UNK: variants seen among roughly 807,000 people sequenced by gnomAD.
The protein encoded by UNK is RING finger protein unkempt homolog.
In UNK, 32 loss-of-function variants were observed where a neutral mutation model predicts 97.6. The observed-to-expected ratio is 0.33, with a 90% CI of 0.25 to 0.44. The LOEUF is 0.44. UNK is among the 20% of genes least tolerant of loss of function. UNK has a pLI of 1.00. For synonymous variants in UNK, 441 were observed against 461.2 expected, an observed-to-expected ratio of 0.96 and a Z score of 0.56; for missense variants, 771 against 1,098.4, an observed-to-expected ratio of 0.70 and a Z score of 4.21.
At chr17:75,796,468 A>G (rs1302556360) in intron 1 of UNK, among the ~76,000 whole-genome samples, 1 of 151,984 alleles carries the variant, frequency 6.6e-6, no homozygotes, top group Non-Finnish European at 1.5e-5. Context: ...GCAGGTGTTT[A>G]CCACCATACC....
rs1167447908 is a variant in UNK, at chr17:75,809,885, G to A, written c.230G>A (p.Arg77His). ...CAGCGGCGCCGCCGGTCCATCCGCC[G>A]TCGGGACGGCACCTTCAATTACAGC... ...VNQRRRRSIRRRDGTFNYSPD... is the reference protein window; with the variant it reads ...VNQRRRRSIRHRDGTFNYSPD... Residue 77 changes from arginine to histidine, a missense_variant, in exon 2 of 16, where the codon CGT becomes CAT. By Grantham distance (29) the Arg-to-His change is conservative (BLOSUM62 0). Coordinates refer to ENST00000589666, the MANE Select transcript of UNK (RefSeq NM_001080419.3). The A allele has an allele frequency of 2.5e-6, 4 of 1,613,778 alleles. No individual in the cohort carries two copies. The highest frequency in any genetic ancestry group is 1.7e-5 in the Admixed American group (1 of 60,006).
chr17:75,795,370 C>T (rs551000777), intron 1 of UNK, among the ~76,000 whole-genome samples: 2 of 151,964 alleles, frequency 1.3e-5, no homozygotes, highest in African/African-American at 2.4e-5. Flanking sequence ...GACAGGGTCT[C>T]GCTCTGTTGT....
rs2062030719 is a variant in UNK, at chr17:75,817,818, ACAGGGCCTGGGGAAG to A, written c.1306-280_1306-266del. On this transcript the variant is annotated intron_variant, in intron 9 of 15. Coordinates refer to ENST00000589666, the MANE Select transcript of UNK (RefSeq NM_001080419.3). This position sits in a 1 kb window ranked among gnomAD's most constrained non-coding sequence, Gnocchi z 5.8. Reference sequence around the variant, plus strand: ...TGCCCTGAACTGCCTTCATGGAAAGACAGGGCCTGGGGAAGCAGGACACAGGGGTCCCTAACTGGG... The same window carrying A: ...TGCCCTGAACTGCCTTCATGGAAAGACAGGACACAGGGGTCCCTAACTGGG... Among the ~76,000 whole-genome samples the A allele has an allele frequency of 6.6e-6, 1 of 152,096 alleles. No homozygotes were observed. The highest frequency in any genetic ancestry group is 1.5e-5 in the Non-Finnish European group (1 of 68,004).
At chr17:75,787,390 G>C (rs1050007418) in intron 1 of UNK, among the ~76,000 whole-genome samples, 4 of 151,634 alleles carry the variant, frequency 2.6e-5, no homozygotes, top group African/African-American at 9.7e-5. Flanking sequence ...ATTTTTTGTA[G>C]AGACGTGATT....
chr17:75,803,763 G>A (rs2061885270), intron 1 of UNK, among the ~76,000 whole-genome samples: 1 of 152,210 alleles, frequency 6.6e-6, no homozygotes. Flanking sequence ...GCAGTAGTTT[G>A]ATGGCTTAGC....
At chr17:75,800,809 C>T (rs1488052120) in intron 1 of UNK, among the ~76,000 whole-genome samples, 2 of 152,104 alleles carry the variant, frequency 1.3e-5, no homozygotes, top group African/African-American at 4.8e-5. Context: ...GTCTTGGCTG[C>T]TTGTGCACTT....
rs995991357 is a variant in UNK at position 75,793,639 on chromosome 17, A to T, written c.104+8655A>T. On this transcript the variant is annotated intron_variant, in intron 1 of 15. Coordinates refer to ENST00000589666, the MANE Select transcript of UNK (RefSeq NM_001080419.3). ...GTATCATCAAGTCGTATCTGAACTT[A>T]TTGAACTGTTTCCTCCCCTTCCTTA... 3 of 985,310 alleles carry T rather than the reference A, an allele frequency of 3.0e-6. No individual in the cohort carries two copies. In the Admixed American group the frequency reaches 1.8e-4, roughly 61 times the overall value. The allele number at this position is 985,310 out of a possible 1,614,324, so 61.0% of individuals were successfully genotyped here. A position where few individuals can be genotyped will look rare whatever the true frequency, so the allele number is the denominator to read the frequency against.
chr17:75,816,076 C>T lies in UNK; in HGVS notation c.962-694C>T, dbSNP rs1051050577. 3.9e-5 allele frequency among the ~76,000 whole-genome samples: 6 copies of T among 152,246 alleles called. 1 individual carries two copies. Among genetic ancestry groups the T allele is most frequent in the South Asian group, 4.1e-4 (2 of 4,828 alleles). On this transcript the variant is annotated intron_variant, in intron 7 of 15. Transcript: ENST00000589666. This position sits in a 1 kb window ranked among gnomAD's most constrained non-coding sequence, Gnocchi z 4.0. ...AGATCTGATAGCATTTTAATGCCTA[C>T]GGGATATTTCCATTCAGACCAGCCT...
chr17:75,798,571 C>T (rs2061827640), intron 1 of UNK, among the ~76,000 whole-genome samples: 1 of 151,534 alleles, frequency 6.6e-6, no homozygotes, highest in African/African-American at 2.4e-5. Flanking sequence ...ATCTCGAACT[C>T]CTGGCCTCAG....
chr17:75,812,394 C>A (rs1056802931), intron 3 of UNK, 61 bp from the exon 4 acceptor site: 1 of 1,586,992 alleles, frequency 6.3e-7, no homozygotes, highest in East Asian at 2.2e-5. Context: ...AGGGCTGGCA[C>A]TCTGGTTCTT....
intron 1 of UNK, among the ~76,000 whole-genome samples, chr17:75,786,888 C>G (rs1048617853): frequency 6.6e-6 from 1 of 152,122 alleles, no homozygotes; most frequent in African/African-American, 2.4e-5. Context: ...AAAAAAAAGC[C>G]TGCCTTTCCA....
rs776044580 is a variant in UNK, at chr17:75,824,414, G to A, written c.2430G>A (p.Ser810=). The A allele has an allele frequency of 1.2e-5, 18 of 1,527,224 alleles. No homozygotes were observed. Among genetic ancestry groups the A allele is most frequent in the South Asian group, 4.7e-5 (4 of 84,342 alleles). 94.6% of individuals were successfully genotyped at this position (1,527,224 alleles called of 1,614,324 possible). The stretch of plus-strand genomic sequence containing the variant: ...CTGGCCGGGCCCACACCCTCCAGTC[G>A]TGACCCTGCAGGCCTGGCCCAGCCT... The part of the protein sequence containing the change: ...CQPGRAHTLQ[S] Residue 810 remains serine (S), a synonymous_variant, in exon 16 of 16, where the codon TCG becomes TCA. Transcript: ENST00000589666. The surrounding 1 kb of genome is among the most constrained non-coding windows in gnomAD (Gnocchi z 4.9).
chr17:75,789,828 A>G (rs991187885), intron 1 of UNK, among the ~76,000 whole-genome samples: 11 of 152,136 alleles, frequency 7.2e-5, no homozygotes, highest in Admixed American at 2.0e-4. Flanking sequence ...TTTTTGCTGT[A>G]TTAACAGTTA....
At chr17:75,815,365 C>A in intron 7 of UNK, 112 bp downstream of exon 7, 1 of 985,572 alleles carries the variant, frequency 1.0e-6, no homozygotes, top group South Asian at 1.7e-5. Flanking sequence ...CACAGGAGTT[C>A]TGGCCTGCCA....
chr17:75,803,089 C>T (rs1189725318), intron 1 of UNK, among the ~76,000 whole-genome samples: 3 of 52,050 alleles, frequency 5.8e-5, no homozygotes, highest in African/African-American at 7.3e-4. Flanking sequence ...GGTGAAACCT[C>T]GTCTCTACTA....
intron 1 of UNK, among the ~76,000 whole-genome samples, chr17:75,799,053 G>A (rs1056678999): frequency 4.6e-5 from 7 of 151,308 alleles, no homozygotes; most frequent in Non-Finnish European, 5.9e-5. Context: ...GCGATAGTGC[G>A]AGACTCCATC....
At position 75,816,949 on chromosome 17, in the gene UNK, C is replaced by T. The variant is rs1472381627; in HGVS notation, c.1104+37C>T. 6.3e-7 allele frequency: 1 copy of T among 1,575,516 alleles called. No homozygotes were observed. The stretch of plus-strand genomic sequence containing the variant: ...TCCTGGGGAGTGGGTGGGCACCATG[C>T]CTGACAGAGCCAATACTTGCCTCCT... On this transcript the variant is annotated intron_variant, in intron 8 of 15. Transcript: ENST00000589666. The surrounding 1 kb of genome is among the most constrained non-coding windows in gnomAD (Gnocchi z 4.0).
chr17:75,824,479 T>C lies in UNK; in HGVS notation c.*62T>C, dbSNP rs781499626. 2.5e-4 allele frequency: 269 copies of C among 1,073,806 alleles called. 1 individual carries two copies. Among genetic ancestry groups the C allele is most frequent in the Non-Finnish European group, 3.1e-4 (262 of 848,330 alleles). The allele number at this position is 1,073,806 out of a possible 1,614,324, so 66.5% of individuals were successfully genotyped here. A position where few individuals can be genotyped will look rare whatever the true frequency, so the allele number is the denominator to read the frequency against. On this transcript the variant is annotated 3_prime_UTR_variant, in exon 16 of 16. Coordinates refer to ENST00000589666, the MANE Select transcript of UNK (RefSeq NM_001080419.3). This position sits in a 1 kb window ranked among gnomAD's most constrained non-coding sequence, Gnocchi z 4.9. Reference sequence around the variant, plus strand: ...CACCTAGGACTTTTTAAAGTATATATATATATATGAATATATATATATATG... The same window carrying C: ...CACCTAGGACTTTTTAAAGTATATACATATATATGAATATATATATATATG...
At chr17:75,821,427 G>A (rs1442724195) in intron 13 of UNK, 4 of 452,894 alleles carry the variant, frequency 8.8e-6, no homozygotes, top group Non-Finnish European at 1.8e-5. Context: ...AGTCAGGAGA[G>A]CTTCTCCAAG....
Sources: gnomAD v4.1 joint callset for allele counts (sites outside exome capture counted in the v4.1 genomes callset) on GRCh38, gnomAD v4.1.1 for gene constraint, Gnocchi (gnomAD v3.1) non-coding constraint, MANE v1.5 for transcripts, NCBI Gene and HGNC (gene_info 2026-07-23, HGNC 2026-07-21) for gene names.